Variants in DNAJC1 observed in about 807,000 individuals in gnomAD.
The protein encoded by DNAJC1 is DnaJ heat shock protein family (Hsp40) member C1, also known as dnaJ homolog subfamily C member 1.
In DNAJC1, 58 loss-of-function variants were observed where a neutral mutation model predicts 76.6. The ratio of observed to expected loss-of-function variants is 0.76; its 90% CI spans 0.61 to 0.94. The LOEUF is 0.94. DNAJC1 is among the 40% of genes least tolerant of loss of function. DNAJC1 has a pLI of 0.00. For synonymous variants in DNAJC1, 258 were observed against 267.9 expected, an observed-to-expected ratio of 0.96 and a Z score of 0.36; for missense variants, 689 against 677.3, an observed-to-expected ratio of 1.02 and a Z score of -0.19.
chr10:21,932,562 T>C lies in DNAJC1; in HGVS notation c.223-3421A>G, dbSNP rs553124823. ...ATTAGGCAAGCACTTAAGAGAAAGATGATTCTCACTAAGTGTCTTAAAGAT... is the reference window on the plus strand; with the variant it reads ...ATTAGGCAAGCACTTAAGAGAAAGACGATTCTCACTAAGTGTCTTAAAGAT... On this transcript the variant is annotated intron_variant, in intron 1 of 11. Coordinates refer to ENST00000376980, the MANE Select transcript of DNAJC1 (RefSeq NM_022365.4). Among the ~76,000 whole-genome samples the C allele has an allele frequency of 7.9e-5, 12 of 152,326 alleles. No individual in the cohort carries two copies. In the East Asian group the frequency reaches 2.3e-3, roughly 29 times the overall value.
intron 8 of DNAJC1, chr10:21,865,910 G>GGATC (rs1265583529): frequency 1.3e-5 from 2 of 152,038 alleles, no homozygotes; most frequent in African/African-American, 4.8e-5. Flanking sequence ...CAAGGTGGAT[G>GGATC]GATCACCTGA....
At chr10:21,846,811 G>A (rs1186161517) in intron 8 of DNAJC1, among the ~76,000 whole-genome samples, 1 of 151,334 alleles carries the variant, frequency 6.6e-6, no homozygotes, top group Admixed American at 6.6e-5. Flanking sequence ...AATGAAACTG[G>A]TGTTGTCTCG....
chr10:21,767,072 A>C (rs958902546), intron 9 of DNAJC1, among the ~76,000 whole-genome samples: 3 of 152,062 alleles, frequency 2.0e-5, no homozygotes, highest in Admixed American at 2.0e-4. Flanking sequence ...ACTGGAGAAT[A>C]TTCTACCACT....
At chr10:21,838,416 T>G (rs1343613137) in intron 8 of DNAJC1, among the ~76,000 whole-genome samples, 1 of 152,124 alleles carries the variant, frequency 6.6e-6, no homozygotes, top group African/African-American at 2.4e-5. Context: ...AACAGATGCT[T>G]GAAGGCAGCA....
At chr10:21,829,772 G>C (rs1301018598) in intron 8 of DNAJC1, among the ~76,000 whole-genome samples, 1 of 152,144 alleles carries the variant, frequency 6.6e-6, no homozygotes, top group African/African-American at 2.4e-5. Flanking sequence ...GGTAATTATA[G>C]CCTATTTTCA....
intron 1 of DNAJC1, among the ~76,000 whole-genome samples, chr10:22,002,268 C>A (rs527740567): frequency 1.3e-4 from 20 of 152,126 alleles, no homozygotes; most frequent in Non-Finnish European, 2.6e-4. Context: ...ACGAAGGGCT[C>A]AATCAGATCG....
At chr10:21,815,067 G>A (rs937209948) in intron 8 of DNAJC1, among the ~76,000 whole-genome samples, 1 of 152,178 alleles carries the variant, frequency 6.6e-6, no homozygotes, top group African/African-American at 2.4e-5. Context: ...CTAGGGCACT[G>A]TGTCAAAGAG....
chr10:21,917,663 A>G (rs1836977712), intron 6 of DNAJC1, among the ~76,000 whole-genome samples: 1 of 152,084 alleles, frequency 6.6e-6, no homozygotes, highest in Non-Finnish European at 1.5e-5. Flanking sequence ...AGCAAACAAT[A>G]TAACACACTA....
intron 10 of DNAJC1, among the ~76,000 whole-genome samples, chr10:21,763,261 G>T (rs957769386): frequency 6.6e-6 from 1 of 152,256 alleles, no homozygotes; most frequent in South Asian, 2.1e-4. Context: ...CCTTTCTACA[G>T]CATAAATATC....
intron 1 of DNAJC1, among the ~76,000 whole-genome samples, chr10:21,937,944 T>C (rs1018347467): frequency 6.6e-6 from 1 of 152,180 alleles, no homozygotes; most frequent in African/African-American, 2.4e-5. Flanking sequence ...TAATTGTGAA[T>C]GTGTTAGAAG....
intron 1 of DNAJC1, among the ~76,000 whole-genome samples, chr10:21,936,191 C>T (rs953773457): frequency 7.2e-5 from 11 of 151,932 alleles, no homozygotes; most frequent in Non-Finnish European, 1.0e-4. Flanking sequence ...CCCTTTTTTG[C>T]CCTTCAGCCC....
intron 5 of DNAJC1, 75 bp downstream of exon 5, chr10:21,919,757 C>A: frequency 1.0e-6 from 1 of 967,270 alleles, no homozygotes; most frequent in Non-Finnish European, 1.6e-6. Flanking sequence ...AATAGACATA[C>A]ATATGAAGTT....
chr10:21,941,227 C>A (rs1224311903), intron 1 of DNAJC1, among the ~76,000 whole-genome samples: 1 of 142,298 alleles, frequency 7.0e-6, no homozygotes, highest in Non-Finnish European at 1.5e-5. Flanking sequence ...CGAGATCGCG[C>A]CACTACACTC....
chr10:21,968,023 C>A (rs1057321875), intron 1 of DNAJC1, among the ~76,000 whole-genome samples: 2 of 152,160 alleles, frequency 1.3e-5, no homozygotes, highest in Non-Finnish European at 2.9e-5. Context: ...CTAAAATGAG[C>A]CTTCATACAA....
At chr10:21,803,984 T>C in intron 9 of DNAJC1, 1 of 984,734 alleles carries the variant, frequency 1.0e-6, no homozygotes, top group Non-Finnish European at 1.2e-6. Context: ...CTTGGGTAAG[T>C]CTAGGGAGGA....
intron 1 of DNAJC1, among the ~76,000 whole-genome samples, chr10:21,968,267 T>C (rs1837922277): frequency 6.6e-6 from 1 of 152,174 alleles, no homozygotes; most frequent in Non-Finnish European, 1.5e-5. Flanking sequence ...ATATAAACTA[T>C]TAGCTAACAT....
At chr10:21,831,328 C>T (rs1835353850) in intron 8 of DNAJC1, among the ~76,000 whole-genome samples, 1 of 152,190 alleles carries the variant, frequency 6.6e-6, no homozygotes, top group South Asian at 2.1e-4. Context: ...GGCACAATTT[C>T]TGCCCCAAGT....
At chr10:21,982,108 T>C (rs1838168004) in intron 1 of DNAJC1, among the ~76,000 whole-genome samples, 1 of 152,222 alleles carries the variant, frequency 6.6e-6, no homozygotes, top group African/African-American at 2.4e-5. Context: ...ACTTTCCATG[T>C]TGTATTCAGA....
intron 1 of DNAJC1, among the ~76,000 whole-genome samples, chr10:21,960,255 C>T (rs1460005115): frequency 6.6e-6 from 1 of 152,032 alleles, no homozygotes; most frequent in Non-Finnish European, 1.5e-5. Flanking sequence ...CTTGTAACAA[C>T]CTAGTTTAAT....
Sources: allele counts gnomAD v4.1 joint callset (sites outside exome capture counted in the v4.1 genomes callset), GRCh38; gene constraint gnomAD v4.1.1; transcripts MANE v1.5; gene names NCBI Gene and HGNC (gene_info 2026-07-23, HGNC 2026-07-21).